Variants in WNT7A observed in about 807,000 individuals in gnomAD.
WNT7A encodes the protein protein Wnt-7a.
A neutral mutation model predicts 28.2 loss-of-function variants in WNT7A; 16 were observed. The observed-to-expected ratio is 0.57, with a 90% CI of 0.38 to 0.86. WNT7A has a LOEUF of 0.86. Ranked by LOEUF, WNT7A falls within the 40% of genes least tolerant of loss-of-function variation. The pLI, the probability that WNT7A is intolerant of heterozygous loss-of-function variation, is 0.00. For synonymous variants in WNT7A, 190 were observed against 195.9 expected, an observed-to-expected ratio of 0.97 and a Z score of 0.25; for missense variants, 411 against 489.7, an observed-to-expected ratio of 0.84 and a Z score of 1.52.
chr3:13,833,098 T>C (rs1369392017), intron 3 of WNT7A, among the ~76,000 whole-genome samples: 1 of 151,980 alleles, frequency 6.6e-6, no homozygotes, highest in Non-Finnish European at 1.5e-5. Context: ...CTGTGTGGCC[T>C]GCACACAGTC....
rs959396226 is a variant in WNT7A, at chr3:13,818,383, T to C, written c.*561A>G. 2.2e-4 allele frequency: 17 copies of C among 78,394 alleles called. No individual in the cohort carries two copies. Among genetic ancestry groups the C allele is most frequent in the African/African-American group, 8.2e-4 (16 of 19,442 alleles). 4.9% of individuals were successfully genotyped at this position (78,394 alleles called of 1,614,324 possible). On this transcript the variant is annotated 3_prime_UTR_variant, in exon 4 of 4. Coordinates refer to ENST00000285018, the MANE Select transcript of WNT7A (RefSeq NM_004625.4). The stretch of plus-strand genomic sequence containing the variant: ...AAAAAAAAAAATGTGTGTGTGTATA[T>C]CTATATATGCATAAAAGATGTCTCC...
chr3:13,847,448 C>T (rs1286300111), intron 3 of WNT7A, among the ~76,000 whole-genome samples: 2 of 152,150 alleles, frequency 1.3e-5, no homozygotes, highest in African/African-American at 2.4e-5. Context: ...GGGGCCCCTC[C>T]AGTTCAGGGT....
chr3:13,829,535 A>T (rs1161169922), intron 3 of WNT7A, among the ~76,000 whole-genome samples: 1 of 152,216 alleles, frequency 6.6e-6, no homozygotes, highest in African/African-American at 2.4e-5. Flanking sequence ...CTAGAAGGGC[A>T]GGGCAGGGAG....
intron 2 of WNT7A, among the ~76,000 whole-genome samples, chr3:13,872,801 G>C (rs540946923): frequency 5.3e-5 from 8 of 152,276 alleles, no homozygotes; most frequent in Non-Finnish European, 8.8e-5. Context: ...CCTCTGTGGG[G>C]ACTATTCCAA....
At chr3:13,856,960 A>AAGAAGGAGAAGAAGG (rs1559303360) in intron 2 of WNT7A, among the ~76,000 whole-genome samples, 7 of 117,456 alleles carry the variant, frequency 6.0e-5, no homozygotes, top group African/African-American at 2.9e-4. Flanking sequence ...GAAGAAGAAG[A>AAGAAGGAGAAGAAGG]AGAAGAAGGA....
rs571962071 is a variant in WNT7A, at chr3:13,822,763, C to A, written c.571-3340G>T. Among the ~76,000 whole-genome samples the A allele has an allele frequency of 7.9e-5, 12 of 152,320 alleles. No individual in the cohort carries two copies. The South Asian group carries it at 2.5e-3, about 32-fold the overall frequency. On this transcript the variant is annotated intron_variant, in intron 3 of 3. Transcript: ENST00000285018. ...TTTTCTTAAAAAAGGCAATGGGAAG[C>A]CCCTGGAAGGTTTTTGTGGGAAAGC...
intron 3 of WNT7A, among the ~76,000 whole-genome samples, chr3:13,825,135 G>C (rs1694173834): frequency 6.6e-6 from 1 of 152,238 alleles, no homozygotes; most frequent in Non-Finnish European, 1.5e-5. Context: ...GAATTGGTAA[G>C]AGCAGCTGTC....
intron 2 of WNT7A, among the ~76,000 whole-genome samples, chr3:13,860,483 G>A (rs556340038): frequency 2.0e-5 from 3 of 152,106 alleles, no homozygotes; most frequent in South Asian, 2.1e-4. Context: ...CATTCAAATC[G>A]GATGGCTTGC....
intron 3 of WNT7A, among the ~76,000 whole-genome samples, chr3:13,826,228 C>T (rs1252935208): frequency 1.3e-5 from 2 of 152,200 alleles, no homozygotes; most frequent in Non-Finnish European, 2.9e-5. Context: ...GTCCTTGCCA[C>T]CTCTGAGCTT....
intron 3 of WNT7A, among the ~76,000 whole-genome samples, chr3:13,835,184 G>T (rs1394728648): frequency 6.6e-6 from 1 of 152,204 alleles, no homozygotes; most frequent in Non-Finnish European, 1.5e-5. Flanking sequence ...GGCCGGCGGG[G>T]TCTTTGTCCT....
chr3:13,846,680 T>C (rs2124850365), intron 3 of WNT7A, among the ~76,000 whole-genome samples: 1 of 152,294 alleles, frequency 6.6e-6, no homozygotes, highest in Middle Eastern at 3.4e-3. Context: ...AAGTTCCTTC[T>C]CACTTGAGCT....
intron 2 of WNT7A, among the ~76,000 whole-genome samples, chr3:13,867,196 C>A (rs766734874): frequency 1.3e-5 from 2 of 152,170 alleles, no homozygotes; most frequent in Non-Finnish European, 2.9e-5. Flanking sequence ...GTGGCTCCCC[C>A]ATTCTGCAGA....
At chr3:13,836,436 AC>A (rs1462422881) in intron 3 of WNT7A, among the ~76,000 whole-genome samples, 1 of 152,036 alleles carries the variant, frequency 6.6e-6, no homozygotes, top group East Asian at 1.9e-4. Context: ...CCTGGACCCC[AC>A]CCCCAGAGGT....
intron 3 of WNT7A, among the ~76,000 whole-genome samples, chr3:13,825,219 T>C (rs955539148): frequency 6.6e-6 from 1 of 152,168 alleles, no homozygotes; most frequent in East Asian, 1.9e-4. Flanking sequence ...TTGTCTTTTG[T>C]AGTGTTTGAA....
chr3:13,840,899 C>G (rs1423005842), intron 3 of WNT7A, among the ~76,000 whole-genome samples: 1 of 152,174 alleles, frequency 6.6e-6, no homozygotes, highest in Non-Finnish European at 1.5e-5. Flanking sequence ...GGTTAGAGCT[C>G]CTATCCTGGG....
chr3:13,879,715 C>T (rs1695177920), intron 1 of WNT7A, 31 bp downstream of exon 1: 1 of 1,609,222 alleles, frequency 6.2e-7, no homozygotes, highest in African/African-American at 1.3e-5. Flanking sequence ...TTTGTCGAAA[C>T]ACGCGCGGAA....
chr3:13,864,339 T>G (rs1304290631), intron 2 of WNT7A, among the ~76,000 whole-genome samples: 2 of 152,086 alleles, frequency 1.3e-5, no homozygotes, highest in African/African-American at 4.8e-5. Context: ...CCCCAGCCTC[T>G]TCTACCCTCC....
chr3:13,840,370 A>G (rs549369325), intron 3 of WNT7A, among the ~76,000 whole-genome samples: 14 of 152,328 alleles, frequency 9.2e-5, no homozygotes, highest in Non-Finnish European at 1.8e-4. Context: ...TGTCAGCTCC[A>G]TAAAGGCAAG....
At chr3:13,849,690 A>G (rs189070265) in intron 3 of WNT7A, among the ~76,000 whole-genome samples, 1 of 152,292 alleles carries the variant, frequency 6.6e-6, no homozygotes, top group Admixed American at 6.5e-5. Flanking sequence ...AGGGTGATGG[A>G]GAGAGATGAG....
Sources: allele counts gnomAD v4.1 joint callset (sites outside exome capture counted in the v4.1 genomes callset), GRCh38; gene constraint gnomAD v4.1.1; transcripts MANE v1.5; gene names NCBI Gene and HGNC (gene_info 2026-07-23, HGNC 2026-07-21).